The following GBP3 variants were observed in gnomAD, a reference collection of about 807,000 sequenced individuals.
GBP3 encodes guanylate-binding protein 3.
In GBP3, 55 loss-of-function variants were observed where a neutral mutation model predicts 62.4. That is an observed-to-expected ratio of 0.88 (90% CI 0.71 to 1.10). The LOEUF (loss-of-function observed/expected upper bound fraction) is 1.10. Ranked by LOEUF, GBP3 falls within the 50% of genes least tolerant of loss-of-function variation. The probability of loss-of-function intolerance (pLI) is 0.00; values close to 1 mark genes in which losing one functional copy is unlikely to be tolerated. For synonymous variants in GBP3, 208 were observed against 259.2 expected (o/e 0.80, Z 1.90); for missense variants, 605 against 690.6 (o/e 0.88, Z 1.39).
chr1:89,015,669 A>C (rs1678844619), intron 2 of GBP3, among the ~76,000 whole-genome samples: 1 of 149,664 alleles, frequency 6.7e-6, no homozygotes, highest in African/African-American at 2.5e-5. Context: ...ACTTGAACCC[A>C]GGAGGCGGAG....
chr1:89,020,828 A>G, intron 1 of GBP3, 85 bp from the exon 2 acceptor site: 1 of 1,226,732 alleles, frequency 8.2e-7, no homozygotes, highest in South Asian at 1.4e-5. Context: ...AGGATGGCCA[A>G]AAGTTTTGTG....
chr1:89,019,538 T>C (rs1679071310), intron 2 of GBP3, among the ~76,000 whole-genome samples: 1 of 152,192 alleles, frequency 6.6e-6, no homozygotes, highest in Non-Finnish European at 1.5e-5. Flanking sequence ...TCTGCCTGCA[T>C]TGGCCTCCCA....
At chr1:89,020,213 T>G in intron 2 of GBP3, 1 of 407,468 alleles carries the variant, frequency 2.5e-6, no homozygotes, top group Non-Finnish European at 4.8e-6. Context: ...TACTCCAGCC[T>G]GGGGAAAGAG....
chr1:89,007,951 T>C (rs770733618), intron 10 of GBP3, 99 bp from the exon 11 acceptor site: 1 of 1,125,684 alleles, frequency 8.9e-7, no homozygotes, highest in Non-Finnish European at 1.2e-6. Flanking sequence ...GTACTTAGTT[T>C]TTTTCTTGAA....
At chr1:89,021,510 G>GCGCGCGCGCACACACACA (rs751639388) in intron 1 of GBP3, among the ~76,000 whole-genome samples, 39 of 131,734 alleles carry the variant, frequency 3.0e-4, no homozygotes, top group African/African-American at 1.2e-3. Flanking sequence ...GCGCGCGCGC[G>GCGCGCGCGCACACACACA]CACACACACA....
rs769148752 is a variant in GBP3 at position 89,014,215 on chromosome 1, C to T, written c.493G>A (p.Asp165Asn). ...AAGAAGCTCACAAAGTCAGCTGAAT[C>T]CTCATTCTCATTCTCATCAGGTGAG... ...KSSPDENENE[D>N]SADFVSFFPD... Residue 165 changes from aspartate to asparagine, a missense_variant, in exon 5 of 11, where the codon GAT becomes AAT. Coordinates refer to ENST00000370481, the MANE Select transcript of GBP3 (RefSeq NM_018284.3). 6.8e-6 allele frequency: 11 copies of T among 1,614,198 alleles called. No homozygotes were observed. The highest frequency in any genetic ancestry group is 8.5e-6 in the Non-Finnish European group (10 of 1,180,036).
Position 89,020,313 on chromosome 1 carries a change from T to C in GBP3, c.190+219A>G, listed in dbSNP as rs563044543. ...GAAAGAGTAGAACAAGGAGTTCAAC[T>C]GTAACTCATGGTGAACAGTCAATTG... On this transcript the variant is annotated intron_variant, in intron 2 of 10. Coordinates refer to ENST00000370481, the MANE Select transcript of GBP3 (RefSeq NM_018284.3). The C allele has an allele frequency of 3.9e-5, 24 of 608,870 alleles. No individual in the cohort carries two copies. In the Admixed American group the frequency reaches 5.2e-4, roughly 13 times the overall value. The allele number at this position is 608,870 out of a possible 1,614,324, so 37.7% of individuals were successfully genotyped here.
rs766074353 is a variant in GBP3, at chr1:89,013,399, AT to A, written c.653del (p.Asn218IlefsTer47). 5.0e-6 allele frequency: 8 copies of A among 1,611,340 alleles called. No individual in the cohort carries two copies. The African/African-American group carries it at 6.7e-5, about 13-fold the overall frequency. On this transcript the variant is annotated frameshift_variant, in exon 6 of 11. Coordinates refer to ENST00000370481, the MANE Select transcript of GBP3 (RefSeq NM_018284.3). LOFTEE classifies it high-confidence loss of function. ...ACTTCCGGATACAGAGTCGGGGCAGATTAAAATTTTTATCTTTTTGACTGGT... is the reference window on the plus strand; with the variant it reads ...ACTTCCGGATACAGAGTCGGGGCAGATAAAATTTTTATCTTTTTGACTGGT... ...QGTSQKDKNF[N>X]LPRLCIRKFF...
Position 89,012,044 on chromosome 1 carries a change from A to G in GBP3, c.869-17T>C. ...TCTCTAGACCTACATACAAAGAAGAAATGATAATGTTTCTTGTACTAAAGA... is the reference window on the plus strand; with the variant it reads ...TCTCTAGACCTACATACAAAGAAGAGATGATAATGTTTCTTGTACTAAAGA... On this transcript the variant is annotated splice_polypyrimidine_tract_variant and intron_variant, in intron 6 of 10. Coordinates refer to ENST00000370481, the MANE Select transcript of GBP3 (RefSeq NM_018284.3). 1 of 1,451,192 alleles carries G rather than the reference A, an allele frequency of 6.9e-7. No homozygotes were observed. 89.9% of individuals were successfully genotyped at this position (1,451,192 alleles called of 1,614,324 possible). A position where few individuals can be genotyped will look rare whatever the true frequency, so the allele number is the denominator to read the frequency against.
intron 6 of GBP3, 24 bp from the exon 7 acceptor site, chr1:89,012,051 A>T (rs765521212): frequency 6.9e-7 from 1 of 1,444,366 alleles, no homozygotes; most frequent in Admixed American, 1.8e-5. Flanking sequence ...AGAAATGATA[A>T]TGTTTCTTGT....
intron 7 of GBP3, among the ~76,000 whole-genome samples, chr1:89,011,436 A>G (rs1678566698): frequency 7.2e-6 from 1 of 139,302 alleles, no homozygotes; most frequent in East Asian, 2.1e-4. Flanking sequence ...TAAGATGAAA[A>G]TTTTCTTTGC....
At chr1:89,021,582 CA>C (rs1679221687) in intron 1 of GBP3, among the ~76,000 whole-genome samples, 2 of 149,728 alleles carry the variant, frequency 1.3e-5, no homozygotes, top group South Asian at 4.2e-4. Context: ...ACAGCAACAA[CA>C]AAAAACCCCA....
At chr1:89,013,050 T>A in intron 6 of GBP3, 135 bp downstream of exon 6, 6 of 898,462 alleles carry the variant, frequency 6.7e-6, no homozygotes, top group Non-Finnish European at 1.0e-5. Flanking sequence ...GTGGGCTAGG[T>A]TGGTCTCAAA....
chr1:89,017,168 C>T (rs1247384395), intron 2 of GBP3, among the ~76,000 whole-genome samples: 3 of 152,096 alleles, frequency 2.0e-5, no homozygotes, highest in Admixed American at 2.0e-4. Flanking sequence ...CTGTTATCAA[C>T]TAATGGAGTA....
At position 89,013,258 on chromosome 1, in the gene GBP3, T is replaced by A. The variant is rs778797204; in HGVS notation, c.795A>T (p.Ala265=). The A allele has an allele frequency of 6.8e-6, 11 of 1,614,222 alleles. No homozygotes were observed. Among genetic ancestry groups the A allele is most frequent in the Non-Finnish European group, 9.3e-6 (11 of 1,180,046 alleles). The change falls in exon 6 of 11, where the codon GCA becomes GCT. Residue 265 remains alanine, a synonymous_variant. Coordinates refer to ENST00000370481, the MANE Select transcript of GBP3 (RefSeq NM_018284.3). The part of the protein sequence containing the change: ...ELDPEFVQQV[A]DFCSYIFSNS... ...TGCTAAAGATGTAGGAACAGAAGTCTGCTACTTGTTGCACAAATTCAGGGT... is the reference window on the plus strand; with the variant it reads ...TGCTAAAGATGTAGGAACAGAAGTCAGCTACTTGTTGCACAAATTCAGGGT...
chr1:89,015,908 A>T (rs575988218), intron 2 of GBP3, among the ~76,000 whole-genome samples: 1 of 152,190 alleles, frequency 6.6e-6, no homozygotes, highest in Non-Finnish European at 1.5e-5. Context: ...CACTTTTGCC[A>T]CTTCTTTTCC....
At chr1:89,013,483 A>C in intron 5 of GBP3, 56 bp from the exon 6 acceptor site, 2 of 1,534,044 alleles carry the variant, frequency 1.3e-6, no homozygotes, top group Non-Finnish European at 1.8e-6. Context: ...TAAAGCGTCA[A>C]ATAGTAAATA....
In GBP3 at chr1:89,011,604, GATT is replaced by G; in HGVS notation, c.1149+140_1149+142del. ...TGAAGTAATAAAATTGTTTTTGTCT[GATT>G]ATTATGATTACCAAGAACTAGTTGT... On this transcript the variant is annotated intron_variant, in intron 7 of 10. Transcript: ENST00000370481. 2 of 1,060,792 alleles carry G rather than the reference GATT, an allele frequency of 1.9e-6. 1 individual carries two copies. Among genetic ancestry groups the G allele is most frequent in the Non-Finnish European group, 2.7e-6 (2 of 748,080 alleles). The allele number at this position is 1,060,792 out of a possible 1,614,324, so 65.7% of individuals were successfully genotyped here.
chr1:89,015,016 T>C (rs971353144), intron 3 of GBP3, among the ~76,000 whole-genome samples: 1 of 152,192 alleles, frequency 6.6e-6, no homozygotes, highest in Non-Finnish European at 1.5e-5. Flanking sequence ...TTGGATTTAT[T>C]TGTGCTCCCT....
Sources: allele counts gnomAD v4.1 joint callset (sites outside exome capture counted in the v4.1 genomes callset), GRCh38; gene constraint gnomAD v4.1.1; transcripts MANE v1.5; gene names NCBI Gene and HGNC (gene_info 2026-07-23, HGNC 2026-07-21).